BCL9: variants seen among roughly 807,000 people sequenced by gnomAD.
The protein encoded by BCL9 is BCL9 transcription coactivator.
Under a neutral mutation model 88.5 loss-of-function variants are expected in BCL9, and 25 were observed. That is an observed-to-expected ratio of 0.28 (90% CI 0.21 to 0.39). The LOEUF is 0.39. BCL9 is among the 10% of genes least tolerant of loss of function. BCL9 has a pLI of 1.00. For missense variants in BCL9, 1,817 were observed against 1,877.8 expected, an observed-to-expected ratio of 0.97 and a Z score of 0.60; for synonymous variants, 711 against 673.3, an observed-to-expected ratio of 1.06 and a Z score of -0.87.
At chr1:147,583,988 C>A (rs1656487413) in intron 1 of BCL9, among the ~76,000 whole-genome samples, 1 of 152,012 alleles carries the variant, frequency 6.6e-6, no homozygotes, top group Admixed American at 6.6e-5. Flanking sequence ...TTAAGAATAT[C>A]TTTCCCTGTC....
intron 1 of BCL9, among the ~76,000 whole-genome samples, chr1:147,569,659 G>C (rs990980834): frequency 1.2e-4 from 6 of 48,356 alleles, no homozygotes; most frequent in African/African-American, 5.3e-4. Flanking sequence ...CACAAAAAAA[G>C]AAGAGAAAAA....
intron 1 of BCL9, among the ~76,000 whole-genome samples, chr1:147,545,996 TCAC>T (rs782113919): frequency 8.2e-4 from 125 of 152,222 alleles, no homozygotes; most frequent in African/African-American, 3.0e-3. Flanking sequence ...ACAGAGGCAA[TCAC>T]CACAACATTC....
At chr1:147,613,333 C>T in intron 5 of BCL9, 134 bp downstream of exon 5, 1 of 863,140 alleles carries the variant, frequency 1.2e-6, no homozygotes, top group Non-Finnish European at 1.8e-6. Context: ...TGAGTTCTCA[C>T]AGTTTATGAT....
At position 147,620,096 on chromosome 1, in the gene BCL9, G is replaced by A. The variant is rs1658534272; in HGVS notation, c.1941G>A (p.Met647Ile). ...AACAGCTGGGTCTCCCCCCAGGGAT[G>A]GCCATGGAAGGCATCAGGCCCAGCA... ...AEKQLGLPPG[M>I]AMEGIRPSME... Residue 647 changes from methionine to isoleucine, a missense_variant, in exon 8 of 10, where the codon ATG (methionine) becomes ATA (isoleucine). Met to Ile is a conservative substitution (Grantham distance 10, BLOSUM62 1). Transcript: ENST00000234739. 1.9e-6 allele frequency: 3 copies of A among 1,614,082 alleles called. No individual in the cohort carries two copies. Among genetic ancestry groups the A allele is most frequent in the African/African-American group, 1.3e-5 (1 of 74,922 alleles).
chr1:147,622,182 G>T, intron 8 of BCL9, 89 bp from the exon 9 acceptor site: 1 of 1,513,878 alleles, frequency 6.6e-7, no homozygotes. Context: ...TCTCATTCCT[G>T]GCCTTGCTAG....
chr1:147,557,229 T>G lies in BCL9; in HGVS notation c.-478+15555T>G, dbSNP rs1444529095. On this transcript the variant is annotated intron_variant, in intron 1 of 9. Transcript: ENST00000234739. The stretch of plus-strand genomic sequence containing the variant: ...AGCACAAAATAACAGTGACACAACT[T>G]GCTTGATAACATTTTATAATGGACT... Among the ~76,000 whole-genome samples, 3 of 152,158 alleles carry G rather than the reference T, an allele frequency of 2.0e-5. No homozygotes were observed. In the East Asian group the frequency reaches 5.8e-4, roughly 29 times the overall value.
At position 147,601,993 on chromosome 1, in the gene BCL9, C is replaced by A. The variant is rs587647331; in HGVS notation, c.-477-2784C>A. Among the ~76,000 whole-genome samples, 740 of 152,308 alleles carry A rather than the reference C, an allele frequency of 4.9e-3. 2 individuals are homozygous for A. Among genetic ancestry groups the A allele is most frequent in the Admixed American group, 8.6e-3 (131 of 15,304 alleles). On this transcript the variant is annotated intron_variant, in intron 1 of 9. Transcript: ENST00000234739. The stretch of plus-strand genomic sequence containing the variant: ...TCGGCTCACTGCAACCTCCGCCTCC[C>A]AGGTTCAAGCTATTCTCCTGCCTCA...
At position 147,624,848 on chromosome 1, in the gene BCL9, C is replaced by T; in HGVS notation, c.4170C>T (p.Pro1390=). The T allele has an allele frequency of 6.2e-7, 1 of 1,614,060 alleles. No homozygotes were observed. The highest frequency in any genetic ancestry group is 8.5e-7 in the Non-Finnish European group (1 of 1,179,988). The change falls in exon 10 of 10, where the codon CCC becomes CCT. Residue 1390 remains proline, a synonymous_variant. Transcript: ENST00000234739. This position sits in a 1 kb window ranked among gnomAD's most constrained non-coding sequence, Gnocchi z 4.4. ...MMMSMQGMMG[P]QQNIMIPPQM... ...TGTCCATGCAGGGCATGATGGGACC[C>T]CAACAGAACATCATGATCCCCCCAC...
intron 1 of BCL9, among the ~76,000 whole-genome samples, chr1:147,553,361 A>G (rs1654976344): frequency 1.3e-5 from 2 of 152,220 alleles, no homozygotes; most frequent in African/African-American, 2.4e-5. Context: ...ACTGGCTCAA[A>G]TGTCACATTC....
chr1:147,569,389 G>A (rs1655764962), intron 1 of BCL9, among the ~76,000 whole-genome samples: 1 of 150,748 alleles, frequency 6.6e-6, no homozygotes, highest in Admixed American at 6.6e-5. Context: ...GGTACTTTGG[G>A]AAGCCGAGGA....
intron 7 of BCL9, among the ~76,000 whole-genome samples, chr1:147,617,541 T>A (rs2644556): frequency 3.8e-4 from 57 of 149,278 alleles, no homozygotes; most frequent in Non-Finnish European, 6.3e-4. Flanking sequence ...CACACAACTC[T>A]TTACCTATAG....
intron 1 of BCL9, among the ~76,000 whole-genome samples, chr1:147,553,004 C>G (rs1470899232): frequency 6.6e-6 from 1 of 151,046 alleles, no homozygotes; most frequent in Non-Finnish European, 1.5e-5. Flanking sequence ...CAATACCAGG[C>G]TTTCTGGATT....
At chr1:147,610,578 A>G (rs1657946323) in intron 3 of BCL9, among the ~76,000 whole-genome samples, 1 of 152,216 alleles carries the variant, frequency 6.6e-6, no homozygotes, top group Non-Finnish European at 1.5e-5. Flanking sequence ...TGTAGTCACT[A>G]GTCCTGCACC....
At chr1:147,621,522 T>A (rs1027672766) in intron 8 of BCL9, among the ~76,000 whole-genome samples, 2 of 151,986 alleles carry the variant, frequency 1.3e-5, no homozygotes, top group Admixed American at 6.6e-5. Context: ...TTCCAAAATC[T>A]TCTCCTTGAT....
At chr1:147,621,090 A>C (rs1658615121) in intron 8 of BCL9, 33 bp downstream of exon 8, 1 of 1,575,988 alleles carries the variant, frequency 6.3e-7, no homozygotes, top group Non-Finnish European at 8.6e-7. Flanking sequence ...AGTTGCACCT[A>C]GTAGCTGGAG....
intron 1 of BCL9, among the ~76,000 whole-genome samples, chr1:147,597,059 G>C (rs1657088920): frequency 6.6e-6 from 1 of 152,106 alleles, no homozygotes; most frequent in Non-Finnish European, 1.5e-5. Context: ...ACAATCATTG[G>C]AATTTAGAAT....
At chr1:147,583,660 T>C (rs1251073495) in intron 1 of BCL9, among the ~76,000 whole-genome samples, 1 of 152,036 alleles carries the variant, frequency 6.6e-6, no homozygotes, top group African/African-American at 2.4e-5. Context: ...ATTCAATTTT[T>C]AAAAATTTTT....
At chr1:147,567,769 GCCCCTTCCCCCT>G (rs2101519839) in intron 1 of BCL9, among the ~76,000 whole-genome samples, 1 of 152,216 alleles carries the variant, frequency 6.6e-6, no homozygotes, top group East Asian at 1.9e-4. Context: ...TTAGGAGCCT[GCCCCTTCCCCCT>G]CCCCCTGCTA....
chr1:147,555,505 C>T (rs1655067695), intron 1 of BCL9, among the ~76,000 whole-genome samples: 3 of 152,246 alleles, frequency 2.0e-5, no homozygotes, highest in South Asian at 4.1e-4. Context: ...TAATAACTAA[C>T]GATTTAGTTG....
Sources: gnomAD v4.1 joint callset for allele counts (sites outside exome capture counted in the v4.1 genomes callset) on GRCh38, gnomAD v4.1.1 for gene constraint, Gnocchi (gnomAD v3.1) non-coding constraint, MANE v1.5 for transcripts, NCBI Gene and HGNC (gene_info 2026-07-23, HGNC 2026-07-21) for gene names.